Variants in AGBL1 observed in about 807,000 individuals in gnomAD.
AGBL1 encodes cytosolic carboxypeptidase 4.
In AGBL1, 130 loss-of-function variants were observed where a neutral mutation model predicts 118.9. That is an observed-to-expected ratio of 1.09 (90% confidence interval 0.95 to 1.26). AGBL1 has a LOEUF of 1.26. Among genes scored for constraint, AGBL1 ranks in the 50% most tolerant of loss-of-function variants. The pLI is 0.00. For missense variants in AGBL1, 1,584 were observed against 1,298.1 expected, an observed-to-expected ratio of 1.22 and a Z score of -3.38; for synonymous variants, 555 against 478.9, an observed-to-expected ratio of 1.16 and a Z score of -2.08.
chr15:86,821,004 A>T (rs2078935402), intron 22 of AGBL1, among the ~76,000 whole-genome samples: 1 of 152,214 alleles, frequency 6.6e-6, no homozygotes, highest in African/African-American at 2.4e-5. Context: ...GGAGCCAAAA[A>T]AAGAATGAGT....
rs770556494 is a variant in AGBL1, at chr15:86,870,454, C to CAAAAAAAAAAAA, written c.3159-36602_3159-36591dup. 5.6e-4 allele frequency among the ~76,000 whole-genome samples: 36 copies of CAAAAAAAAAAAA among 64,108 alleles called. 6 individuals carry two copies. Among genetic ancestry groups the CAAAAAAAAAAAA allele is most frequent in the African/African-American group, 9.9e-4 (13 of 13,076 alleles). The allele number at this position is 64,108 out of a possible 152,430, so 42.1% of individuals were successfully genotyped here. A position where few individuals can be genotyped will look rare whatever the true frequency, so the allele number is the denominator to read the frequency against. The stretch of plus-strand genomic sequence containing the variant: ...GGCAAGAAAAAAGTAAAGCATACTG[C>CAAAAAAAAAAAA]AAAAAAAAAAAAAAAAAAAAAAAAA... On this transcript the variant is annotated intron_variant, in intron 22 of 22. Transcript: ENST00000614907.
At chr15:86,219,945 C>CTTT (rs68023928) in intron 5 of AGBL1, among the ~76,000 whole-genome samples, 14,507 of 85,642 alleles carry the variant, frequency 0.17, 2,092 homozygotes, top group South Asian at 0.24. Flanking sequence ...AATGCTGCCT[C>CTTT]TTTTTTTTTT....
chr15:86,139,053 G>A (rs1426611939), intron 1 of AGBL1, among the ~76,000 whole-genome samples: 6 of 152,160 alleles, frequency 3.9e-5, no homozygotes, highest in Non-Finnish European at 8.8e-5. Context: ...ATTGGTACAC[G>A]TATATATCAC....
intron 22 of AGBL1, among the ~76,000 whole-genome samples, chr15:86,683,264 A>G (rs746725286): frequency 1.3e-5 from 2 of 150,766 alleles, no homozygotes; most frequent in Non-Finnish European, 3.0e-5. Context: ...TTAAAACTCA[A>G]ACGACTTGGG....
chr15:86,971,849 A>T (rs887601645), intron 23 of AGBL1, among the ~76,000 whole-genome samples: 14 of 151,950 alleles, frequency 9.2e-5, no homozygotes, highest in Middle Eastern at 6.3e-3. Context: ...TAATTGAATC[A>T]TGGAGGCAGT....
chr15:86,384,108 G>A (rs191743809), intron 17 of AGBL1, among the ~76,000 whole-genome samples: 761 of 152,232 alleles, frequency 5.0e-3, no homozygotes, highest in Non-Finnish European at 7.7e-3. Context: ...GTACCGCGTG[G>A]GCTCCATTGA....
At chr15:86,302,823 A>C (rs2079774618) in intron 17 of AGBL1, among the ~76,000 whole-genome samples, 1 of 151,700 alleles carries the variant, frequency 6.6e-6, no homozygotes, top group Non-Finnish European at 1.5e-5. Flanking sequence ...CTCAGGGTAC[A>C]GGACTACAGA....
At chr15:86,767,322 C>T (rs1322035704) in intron 22 of AGBL1, among the ~76,000 whole-genome samples, 2 of 151,924 alleles carry the variant, frequency 1.3e-5, no homozygotes, top group Non-Finnish European at 2.9e-5. Context: ...GGGCCTTTGT[C>T]TGGTGTCATT....
chr15:86,476,113 C>T lies in AGBL1; in HGVS notation c.2556-46697C>T, dbSNP rs187069143. Among the ~76,000 whole-genome samples the T allele has an allele frequency of 3.4e-3, 517 of 152,298 alleles. 3 individuals carry two copies. Among genetic ancestry groups the T allele is most frequent in the African/African-American group, 0.012 (495 of 41,560 alleles). The stretch of plus-strand genomic sequence containing the variant: ...TATGGAAAGGAACAACCAGTACCAG[C>T]CACTGCAAAAACGTGCTAAATTGTA... On this transcript the variant is annotated intron_variant, in intron 18 of 22. Coordinates refer to ENST00000614907, the MANE Select transcript of AGBL1 (RefSeq NM_001386094.1).
chr15:86,224,191 C>T (rs1411627618), intron 5 of AGBL1, among the ~76,000 whole-genome samples: 2 of 152,132 alleles, frequency 1.3e-5, no homozygotes, highest in African/African-American at 2.4e-5. Context: ...TACTACACTG[C>T]CCTCAATGCC....
intron 22 of AGBL1, among the ~76,000 whole-genome samples, chr15:86,772,049 T>C (rs1044745616): frequency 5.3e-5 from 8 of 152,036 alleles, no homozygotes; most frequent in African/African-American, 1.9e-4. Flanking sequence ...ACAGTGTGGC[T>C]GGATCTGAGA....
intron 5 of AGBL1, among the ~76,000 whole-genome samples, chr15:86,189,998 C>A (rs1349348680): frequency 1.3e-5 from 2 of 152,016 alleles, no homozygotes; most frequent in Admixed American, 6.6e-5. Flanking sequence ...AGAAGGATGT[C>A]CTAAAGGGTG....
chr15:86,113,397 C>G (rs956864347), intron 1 of AGBL1, among the ~76,000 whole-genome samples: 7 of 150,600 alleles, frequency 4.6e-5, no homozygotes, highest in Non-Finnish European at 3.0e-5. Flanking sequence ...AAGCAATTCT[C>G]CTGCCTCAGC....
intron 23 of AGBL1, among the ~76,000 whole-genome samples, chr15:86,956,199 A>G (rs1365987184): frequency 6.8e-6 from 1 of 146,622 alleles, no homozygotes; most frequent in Non-Finnish European, 1.5e-5. Context: ...AGATATAGAT[A>G]GGTAGATAGA....
At position 86,701,634 on chromosome 15, in the gene AGBL1, C is replaced by T. The variant is rs1869183; in HGVS notation, c.3158+27198C>T. On this transcript the variant is annotated intron_variant, in intron 22 of 22. Coordinates refer to ENST00000614907, the MANE Select transcript of AGBL1 (RefSeq NM_001386094.1). ...TAGAATGGTAAAACATGTCTCCTCT[C>T]CTCTCCTCCCCTCCCCTCCCCTCTC... Among the ~76,000 whole-genome samples the T allele has an allele frequency of 3.3e-5, 5 of 151,216 alleles. No homozygotes were observed. The East Asian group carries it at 7.8e-4, about 24-fold the overall frequency.
intron 21 of AGBL1, among the ~76,000 whole-genome samples, chr15:86,561,621 T>C (rs947252854): frequency 6.6e-6 from 1 of 152,226 alleles, no homozygotes; most frequent in African/African-American, 2.4e-5. Flanking sequence ...GGCTTAGGAT[T>C]GTCTTGGCAA....
At chr15:86,510,357 C>T (rs2881463) in intron 18 of AGBL1, among the ~76,000 whole-genome samples, 66,722 of 151,262 alleles carry the variant, frequency 0.44, 15,600 homozygotes, top group East Asian at 0.68. Flanking sequence ...TCATGGCCTG[C>T]AAAGAAAACT....
At chr15:86,222,185 G>C (rs1597579874) in intron 5 of AGBL1, among the ~76,000 whole-genome samples, 4 of 152,234 alleles carry the variant, frequency 2.6e-5, no homozygotes, top group Admixed American at 2.6e-4. Flanking sequence ...GATCATTGCT[G>C]CTGTAGTGAT....
At chr15:86,231,287 C>A (rs1446727789) in intron 6 of AGBL1, among the ~76,000 whole-genome samples, 1 of 152,164 alleles carries the variant, frequency 6.6e-6, no homozygotes, top group East Asian at 1.9e-4. Flanking sequence ...AGAAAGAATT[C>A]CAGGTTCCTG....
Sources: allele counts gnomAD v4.1 joint callset (sites outside exome capture counted in the v4.1 genomes callset), GRCh38; gene constraint gnomAD v4.1.1; transcripts MANE v1.5; gene names NCBI Gene and HGNC (gene_info 2026-07-23, HGNC 2026-07-21).